Variants in ARID1A observed in about 807,000 individuals in gnomAD.
ARID1A encodes AT-rich interaction domain 1A.
Under a neutral mutation model 212.6 loss-of-function variants are expected in ARID1A, and 20 were observed. The ratio of observed to expected loss-of-function variants is 0.09; its 90% CI spans 0.07 to 0.14. The LOEUF is 0.14. ARID1A is among the 10% of genes least tolerant of loss of function. The pLI is 1.00. For missense variants in ARID1A, 2,587 were observed against 3,059.0 expected (o/e 0.85, Z 3.64); for synonymous variants, 1,376 against 1,222.1 (o/e 1.13, Z -2.63).
At position 26,773,690 on chromosome 1, in the gene ARID1A, CGCA is replaced by C. The variant is rs374564889; in HGVS notation, c.3999_4001del (p.Gln1334del). ...ATGTATTCTCCTAGCCGCTACCCCC[CGCA>C]GCAGCAGCAGCAGCAGCAGCAACGG... On this transcript the variant is annotated inframe_deletion, in exon 16 of 20. Transcript: ENST00000324856. 3.3e-5 allele frequency: 53 copies of C among 1,603,344 alleles called. No homozygotes were observed. Among genetic ancestry groups the C allele is most frequent in the African/African-American group, 1.1e-4 (8 of 74,662 alleles).
chr1:26,738,213 G>A (rs1336809436), intron 4 of ARID1A, among the ~76,000 whole-genome samples: 5 of 151,798 alleles, frequency 3.3e-5, no homozygotes, highest in African/African-American at 9.7e-5. Flanking sequence ...TAATAGAGAC[G>A]AGGTTTCACT....
rs2124789582 is a variant in ARID1A at position 26,731,456 on chromosome 1, C to G, written c.1655C>G (p.Ser552Ter). 1 of 1,613,948 alleles carries G rather than the reference C, an allele frequency of 6.2e-7. No individual in the cohort carries two copies. The highest frequency in any genetic ancestry group is 8.5e-7 in the Non-Finnish European group (1 of 1,179,984). The part of the protein sequence containing the change: ...QQHPQSQPPY[S>*]QPQAQSPYQQ... ...CACCCCCAGAGCCAGCCCCCCTACT[C>G]ACAGCCACAGGCTCAGTCTCCTTAC... Residue 552 changes from serine to a stop codon, truncating the protein, a stop_gained, in exon 3 of 20, where the codon TCA becomes TGA. Coordinates refer to ENST00000324856, the MANE Select transcript of ARID1A (RefSeq NM_006015.6). LOFTEE classifies it high-confidence loss of function.
intron 1 of ARID1A, among the ~76,000 whole-genome samples, chr1:26,715,217 G>A (rs1414359217): frequency 6.6e-6 from 1 of 152,160 alleles, no homozygotes; most frequent in East Asian, 1.9e-4. Flanking sequence ...GCACTTATCT[G>A]CAAATTAGTT....
Position 26,766,441 on chromosome 1 carries a change from T to G in ARID1A, c.2879-16T>G, listed in dbSNP as rs775219314. ...GCTAAACTTACTGGACTTGAGAATTTTTTTCTCTTTTACAGGGATGGCAGC... is the reference window on the plus strand; with the variant it reads ...GCTAAACTTACTGGACTTGAGAATTGTTTTCTCTTTTACAGGGATGGCAGC... On this transcript the variant is annotated splice_polypyrimidine_tract_variant and intron_variant, in intron 9 of 19. Transcript: ENST00000324856. 6.2e-7 allele frequency: 1 copy of G among 1,613,820 alleles called. No individual in the cohort carries two copies. The highest frequency in any genetic ancestry group is 8.5e-7 in the Non-Finnish European group (1 of 1,179,928).
At chr1:26,742,440 T>C (rs2124803129) in intron 4 of ARID1A, among the ~76,000 whole-genome samples, 1 of 152,324 alleles carries the variant, frequency 6.6e-6, no homozygotes, top group South Asian at 2.1e-4. Flanking sequence ...TCTGTCTTCT[T>C]AGAACATACT....
chr1:26,717,962 T>A (rs1198172934), intron 1 of ARID1A, among the ~76,000 whole-genome samples: 1 of 152,096 alleles, frequency 6.6e-6, no homozygotes, highest in Non-Finnish European at 1.5e-5. Flanking sequence ...TGTTTGTTTT[T>A]GTTGTTATTT....
At chr1:26,701,598 A>G (rs1303240969) in intron 1 of ARID1A, among the ~76,000 whole-genome samples, 2 of 152,170 alleles carry the variant, frequency 1.3e-5, no homozygotes, top group African/African-American at 4.8e-5. Flanking sequence ...TCCCTCATCA[A>G]TAAAATGAAG....
chr1:26,735,314 A>G (rs927317671), intron 4 of ARID1A, among the ~76,000 whole-genome samples: 15 of 148,936 alleles, frequency 1.0e-4, no homozygotes, highest in African/African-American at 3.0e-4. Context: ...ATTTTTGGAT[A>G]CTGAGTCTCA....
intron 1 of ARID1A, among the ~76,000 whole-genome samples, chr1:26,720,741 A>G (rs2080555708): frequency 6.6e-6 from 1 of 151,766 alleles, no homozygotes; most frequent in Admixed American, 6.6e-5. Flanking sequence ...GCATGTGCTT[A>G]TAGTCCCAGC....
At chr1:26,745,664 T>C (rs2080829219) in intron 4 of ARID1A, among the ~76,000 whole-genome samples, 1 of 152,070 alleles carries the variant, frequency 6.6e-6, no homozygotes, top group South Asian at 2.1e-4. Flanking sequence ...ATTCAGTAAA[T>C]GAGAACATTG....
At position 26,774,319 on chromosome 1, in the gene ARID1A, T is replaced by C. The variant is rs2124116841; in HGVS notation, c.4102-10T>C. On this transcript the variant is annotated splice_polypyrimidine_tract_variant and intron_variant, in intron 17 of 19. Coordinates refer to ENST00000324856, the MANE Select transcript of ARID1A (RefSeq NM_006015.6). The surrounding 1 kb of genome is among the most constrained non-coding windows in gnomAD (Gnocchi z 5.6). ...AGTATTAACTTCCCCTCTGCTTGTC[T>C]CTGCCTTAGAATTACAAGCGGCCAA... is the stretch of plus-strand genomic sequence containing the variant. The C allele has an allele frequency of 6.5e-7, 1 of 1,526,958 alleles. No individual in the cohort carries two copies. Among genetic ancestry groups the C allele is most frequent in the Non-Finnish European group, 8.8e-7 (1 of 1,137,132 alleles). The allele number at this position is 1,526,958 out of a possible 1,614,324, so 94.6% of individuals were successfully genotyped here. A position where few individuals can be genotyped will look rare whatever the true frequency, so the allele number is the denominator to read the frequency against.
chr1:26,724,540 C>G (rs771314347), intron 1 of ARID1A, among the ~76,000 whole-genome samples: 2 of 152,208 alleles, frequency 1.3e-5, no homozygotes, highest in African/African-American at 4.8e-5. Flanking sequence ...CTTCTCTGCT[C>G]TCTCCTCGGT....
chr1:26,758,935 T>C (rs1258728798), intron 4 of ARID1A, among the ~76,000 whole-genome samples: 1 of 152,206 alleles, frequency 6.6e-6, no homozygotes, highest in Non-Finnish European at 1.5e-5. Context: ...GAGCAAACTT[T>C]GTCTCCAAGA....
At chr1:26,735,884 A>G (rs2080724353) in intron 4 of ARID1A, among the ~76,000 whole-genome samples, 1 of 151,994 alleles carries the variant, frequency 6.6e-6, no homozygotes, top group Non-Finnish European at 1.5e-5. Context: ...TTTGCCTCAT[A>G]CTTTTCCCCT....
rs1279934842 is a variant in ARID1A at position 26,780,486 on chromosome 1, G to A, written c.6588G>A (p.Leu2196=). The A allele has an allele frequency of 2.5e-6, 4 of 1,614,056 alleles. No individual in the cohort carries two copies. The South Asian group carries it at 4.4e-5, about 18-fold the overall frequency. The change falls in exon 20 of 20, where the codon CTG becomes CTA. Residue 2196 remains leucine (L), a synonymous_variant. Transcript: ENST00000324856. This position sits in a 1 kb window ranked among gnomAD's most constrained non-coding sequence, Gnocchi z 7.2. ...AGAAGGGCAGTATCGGCAACCTCCT[G>A]GGCTTCCTAGAGGACAGCCTTGCCG... ...AVQKGSIGNL[L]GFLEDSLAAT...
chr1:26,699,908 G>A lies in ARID1A; in HGVS notation c.1137+2368G>A, dbSNP rs566123725. Among the ~76,000 whole-genome samples the A allele has an allele frequency of 3.3e-4, 50 of 152,286 alleles. 1 individual carries two copies. In the Middle Eastern group the frequency reaches 0.01, roughly 31 times the overall value. ...TTTGTTTTTCAGTCAGTAAATTATGGAACACTTTCTGTGTAGATGATAGGA... is the reference window on the plus strand; with the variant it reads ...TTTGTTTTTCAGTCAGTAAATTATGAAACACTTTCTGTGTAGATGATAGGA... On this transcript the variant is annotated intron_variant, in intron 1 of 19. Transcript: ENST00000324856.
Position 26,775,595 on chromosome 1 carries a change from G to A in ARID1A, c.5012G>A (p.Arg1671Gln), listed in dbSNP as rs773047184. 5.0e-6 allele frequency: 8 copies of A among 1,614,096 alleles called. No homozygotes were observed. Among genetic ancestry groups the A allele is most frequent in the South Asian group, 3.3e-5 (3 of 91,066 alleles). ...ATTTCAGGAACCCCGGAGGCATGGC[G>A]GGTAATGATGTCCCTCAAGTCTGGT... ...MKDIGTPEAWRVMMSLKSGLL... is the reference protein window; with the variant it reads ...MKDIGTPEAWQVMMSLKSGLL... The change falls in exon 19 of 20, where the codon CGG becomes CAG. Residue 1671 changes from arginine to glutamine, a missense_variant. By Grantham distance (43) the Arg-to-Gln change is conservative. Around this residue, in one of 11 missense-constraint regions of ARID1A, gnomAD observed 890 missense variants for 1,098.2 expected, o/e 0.81. Coordinates refer to ENST00000324856, the MANE Select transcript of ARID1A (RefSeq NM_006015.6).
rs1375676587 is a variant in ARID1A, at chr1:26,760,993, C to T, written c.2058C>T (p.Ser686=). 15 of 1,613,944 alleles carry T rather than the reference C, an allele frequency of 9.3e-6. No individual in the cohort carries two copies. Among genetic ancestry groups the T allele is most frequent in the Non-Finnish European group, 1.2e-5 (14 of 1,180,028 alleles). The change falls in exon 5 of 20, where the codon TCC becomes TCT. Residue 686 remains serine (S), a synonymous_variant. Coordinates refer to ENST00000324856, the MANE Select transcript of ARID1A (RefSeq NM_006015.6). ...AGTCTCCTTTCTCTCCTCATACCTC[C>T]CCTCACCTGCCTGGCATCCGAGGCC... ...PAQSPFSPHT[S]PHLPGIRGPS... is the part of the protein sequence containing the mutation.
At chr1:26,732,261 C>T (rs1172419930) in intron 3 of ARID1A, among the ~76,000 whole-genome samples, 4 of 152,164 alleles carry the variant, frequency 2.6e-5, no homozygotes, top group East Asian at 1.9e-4. Context: ...GACAGGTCCA[C>T]TAAAAAGTTT....
Sources: gnomAD v4.1 joint callset for allele counts (sites outside exome capture counted in the v4.1 genomes callset) on GRCh38, gnomAD v4.1.1 for gene constraint, gnomAD v4.1.1 regional missense constraint, Gnocchi (gnomAD v3.1) non-coding constraint, MANE v1.5 for transcripts, NCBI Gene and HGNC (gene_info 2026-07-23, HGNC 2026-07-21) for gene names.